Variants in SVIL observed in about 807,000 individuals in gnomAD.
SVIL encodes the protein supervillin, also known as archvillin.
Under a neutral mutation model 240.4 loss-of-function variants are expected in SVIL, and 101 were observed. That is an observed-to-expected ratio of 0.42 (90% CI 0.36 to 0.50). The LOEUF is 0.50. Among genes scored for constraint, SVIL ranks in the 20% least tolerant of loss-of-function variants. SVIL has a pLI of 0.01. For missense variants in SVIL, 2,512 were observed against 2,818.7 expected (o/e 0.89, Z 2.46); for synonymous variants, 999 against 1,100.0 (o/e 0.91, Z 1.82).
intron 1 of SVIL, among the ~76,000 whole-genome samples, chr10:29,627,768 C>T (rs551714311): frequency 4.5e-4 from 69 of 152,302 alleles, no homozygotes; most frequent in African/African-American, 1.6e-3. Flanking sequence ...AAGTACATCC[C>T]ATGAAGCTGA....
chr10:29,561,288 T>TG (rs1954446778), intron 3 of SVIL, among the ~76,000 whole-genome samples: 1 of 152,220 alleles, frequency 6.6e-6, no homozygotes, highest in South Asian at 2.1e-4. Context: ...GCTTAGGTGT[T>TG]CTAAAAGTTT....
intron 6 of SVIL, among the ~76,000 whole-genome samples, chr10:29,544,669 G>A (rs1392360883): frequency 2.0e-5 from 3 of 150,120 alleles, no homozygotes; most frequent in Non-Finnish European, 4.4e-5. Flanking sequence ...GAGGCAGGAG[G>A]AACGCTCGAG....
At chr10:29,488,861 A>G (rs1947685830) in intron 22 of SVIL, 105 bp from the exon 23 acceptor site, 3 of 1,289,758 alleles carry the variant, frequency 2.3e-6, no homozygotes, top group Non-Finnish European at 3.2e-6. Flanking sequence ...TGTCTTTTCA[A>G]GTTAATCCCG....
intron 1 of SVIL, among the ~76,000 whole-genome samples, chr10:29,573,987 C>T (rs543853546): frequency 9.2e-5 from 14 of 152,290 alleles, no homozygotes; most frequent in South Asian, 2.1e-4. Context: ...TGAGCCACCG[C>T]GCCCAGCCTG....
intron 6 of SVIL, among the ~76,000 whole-genome samples, chr10:29,536,833 C>T (rs772312206): frequency 2.2e-4 from 31 of 142,832 alleles, no homozygotes; most frequent in Non-Finnish European, 3.7e-4. Flanking sequence ...GTTGCTGGAA[C>T]CTGGGAGGTG....
At chr10:29,661,491 A>T (rs964196088) in intron 2 of SVIL, among the ~76,000 whole-genome samples, 1 of 152,168 alleles carries the variant, frequency 6.6e-6, no homozygotes, top group Non-Finnish European at 1.5e-5. Flanking sequence ...CAGCAGGAGG[A>T]GATGCTAGCT....
At chr10:29,516,181 T>A (rs1017599920) in intron 16 of SVIL, among the ~76,000 whole-genome samples, 1 of 152,186 alleles carries the variant, frequency 6.6e-6, no homozygotes, top group African/African-American at 2.4e-5. Context: ...CACCATGGGA[T>A]GGCCTCCAAA....
At chr10:29,650,266 T>A (rs1472070353) in intron 3 of SVIL, among the ~76,000 whole-genome samples, 1 of 152,190 alleles carries the variant, frequency 6.6e-6, no homozygotes, top group Non-Finnish European at 1.5e-5. Flanking sequence ...ACATCTGTCT[T>A]AAAAAGTTGT....
chr10:29,730,249 A>T (rs544497530), intron 1 of SVIL, among the ~76,000 whole-genome samples: 1 of 152,348 alleles, frequency 6.6e-6, no homozygotes, highest in East Asian at 1.9e-4. Flanking sequence ...GTACTAAGGA[A>T]GGGAGATTTA....
chr10:29,724,736 G>A (rs998160988), intron 1 of SVIL, among the ~76,000 whole-genome samples: 3 of 152,018 alleles, frequency 2.0e-5, no homozygotes, highest in Middle Eastern at 3.2e-3. Flanking sequence ...AAAAACTGAT[G>A]AGCAGCTGGG....
chr10:29,620,454 G>A (rs1332823698), intron 1 of SVIL, among the ~76,000 whole-genome samples: 1 of 152,108 alleles, frequency 6.6e-6, no homozygotes, highest in East Asian at 1.9e-4. Context: ...AACCAAATAA[G>A]GGCAGGTGGC....
chr10:29,678,605 G>A (rs1399377146), intron 2 of SVIL, among the ~76,000 whole-genome samples: 1 of 152,214 alleles, frequency 6.6e-6, no homozygotes, highest in Non-Finnish European at 1.5e-5. Context: ...TAGAAACCCT[G>A]CATCTGTGAA....
chr10:29,645,104 A>G (rs1958613782), intron 3 of SVIL, among the ~76,000 whole-genome samples: 1 of 152,178 alleles, frequency 6.6e-6, no homozygotes, highest in Non-Finnish European at 1.5e-5. Flanking sequence ...TAGGTTTCTC[A>G]TCGCACTGCC....
chr10:29,641,524 C>A (rs533302443), intron 3 of SVIL, among the ~76,000 whole-genome samples: 1 of 151,924 alleles, frequency 6.6e-6, no homozygotes, highest in African/African-American at 2.4e-5. Flanking sequence ...GCCGAGATCG[C>A]GCCACTGCAC....
At chr10:29,482,502 A>G (rs1448312110) in intron 27 of SVIL, among the ~76,000 whole-genome samples, 1 of 152,210 alleles carries the variant, frequency 6.6e-6, no homozygotes, top group Non-Finnish European at 1.5e-5. Context: ...TCCCTCCTCA[A>G]TTCTCTACTA....
At chr10:29,711,684 C>T (rs1267300123) in intron 1 of SVIL, among the ~76,000 whole-genome samples, 4 of 150,192 alleles carry the variant, frequency 2.7e-5, no homozygotes, top group Admixed American at 6.6e-5. Flanking sequence ...CACTTGAACT[C>T]GGGAGGTAGA....
At position 29,714,865 on chromosome 10, in the gene SVIL, T is replaced by G. The variant is rs142173593; in HGVS notation, c.-400+20886A>C. 3.6e-3 allele frequency among the ~76,000 whole-genome samples: 517 copies of G among 143,118 alleles called. 2 individuals carry two copies. The highest frequency in any genetic ancestry group is 0.011 in the African/African-American group (438 of 38,176). 93.9% of individuals were successfully genotyped at this position (143,118 alleles called of 152,430 possible). A position where few individuals can be genotyped will look rare whatever the true frequency, so the allele number is the denominator to read the frequency against. Reference sequence around the variant, plus strand: ...GTCCCAGCTACTCAGGAGGCTGAGGTGGGAGGGTCACTTGAGCCTAGGAGG... The same window carrying G: ...GTCCCAGCTACTCAGGAGGCTGAGGGGGGAGGGTCACTTGAGCCTAGGAGG... On this transcript the variant is annotated intron_variant, in intron 1 of 35. Coordinates refer to the SVIL transcript ENST00000375400.
chr10:29,664,273 T>A (rs557343354), intron 2 of SVIL, among the ~76,000 whole-genome samples: 4 of 152,360 alleles, frequency 2.6e-5, no homozygotes, highest in South Asian at 2.1e-4. Context: ...TAATTTTTTT[T>A]AAATGTATGT....
rs768964852 is a variant in SVIL at position 29,488,704 on chromosome 10, T to C, written c.4245A>G (p.Lys1415=). ...GCAGGCTGACGTTGCTGAAGTTTTC[T>C]TTACTGGCTAAACCCGCCAGGGTGA... ...SEVTLAGLAS[K]ENFSNVSLRS... is the part of the protein sequence containing the mutation. The change falls in exon 23 of 38, where the codon AAA becomes AAG. Residue 1415 remains lysine, a synonymous_variant. Transcript: ENST00000355867. 16 of 1,613,146 alleles carry C rather than the reference T, an allele frequency of 9.9e-6. No individual in the cohort carries two copies. In the Middle Eastern group the frequency reaches 2.5e-3, roughly 250 times the overall value.
Sources: gnomAD v4.1 joint callset for allele counts (sites outside exome capture counted in the v4.1 genomes callset) on GRCh38, gnomAD v4.1.1 for gene constraint, MANE v1.5 for transcripts, NCBI Gene and HGNC (gene_info 2026-07-23, HGNC 2026-07-21) for gene names.